The following RAD51B variants were observed in gnomAD, a reference collection of about 807,000 sequenced individuals.
RAD51B encodes the protein RAD51 paralog B, also known as DNA repair protein RAD51 homolog 2.
Under a neutral mutation model 42.2 loss-of-function variants are expected in RAD51B, and 38 were observed. That is an observed-to-expected ratio of 0.90 (90% CI 0.70 to 1.18). RAD51B has a LOEUF of 1.18. Ranked by LOEUF, RAD51B falls within the 50% of genes most tolerant of loss-of-function variation. The pLI is 0.00. For missense variants in RAD51B, 373 were observed against 400.7 expected, an observed-to-expected ratio of 0.93 and a Z score of 0.59; for synonymous variants, 154 against 145.2, an observed-to-expected ratio of 1.06 and a Z score of -0.43.
At position 68,568,600 on chromosome 14, in the gene RAD51B, T is replaced by A. The variant is rs146896111; in HGVS notation, c.1037-25885T>A. On this transcript the variant is annotated intron_variant, in intron 10 of 10. Transcript: ENST00000487270. ...GGAGTTAAGACACAGAACTTCCTTG[T>A]ATTTTTTTCATATACACTACCCTGT... is the stretch of plus-strand genomic sequence containing the variant. 3.2e-3 allele frequency among the ~76,000 whole-genome samples: 481 copies of A among 152,330 alleles called. 3 individuals are homozygous for A. Among genetic ancestry groups the A allele is most frequent in the East Asian group, 0.024 (123 of 5,186 alleles).
chr14:68,555,195 G>C (rs1888775593), intron 10 of RAD51B, among the ~76,000 whole-genome samples: 1 of 152,172 alleles, frequency 6.6e-6, no homozygotes, highest in Non-Finnish European at 1.5e-5. Context: ...ACTCATAATA[G>C]GACATCCGTA....
chr14:68,264,984 G>A lies in RAD51B; in HGVS notation c.757-26900G>A, dbSNP rs117113763. On this transcript the variant is annotated intron_variant, in intron 7 of 10. Coordinates refer to ENST00000471583, the MANE Select transcript of RAD51B (RefSeq NM_133510.4). ...TCCCACAGGGTTTAATGTGAAATAA[G>A]TGGTATAATCTAGGTCAAGTGGCTT... is the stretch of plus-strand genomic sequence containing the variant. Among the ~76,000 whole-genome samples, 424 of 152,308 alleles carry A rather than the reference G, an allele frequency of 2.8e-3. 12 individuals are homozygous for A. The East Asian group carries it at 0.047, about 17-fold the overall frequency.
intron 7 of RAD51B, among the ~76,000 whole-genome samples, chr14:68,249,407 G>C (rs771174221): frequency 9.2e-5 from 14 of 152,146 alleles, no homozygotes; most frequent in Non-Finnish European, 2.1e-4. Context: ...GTAAAACCAA[G>C]TCTGAATGTA....
At chr14:67,986,461 T>C (rs556692439) in intron 7 of RAD51B, among the ~76,000 whole-genome samples, 2 of 152,220 alleles carry the variant, frequency 1.3e-5, no homozygotes, top group African/African-American at 2.4e-5. Context: ...CTAGTTGACA[T>C]GTGTAATTTC....
At chr14:68,469,398 G>A (rs554134797) in intron 10 of RAD51B, among the ~76,000 whole-genome samples, 3 of 152,296 alleles carry the variant, frequency 2.0e-5, no homozygotes, top group South Asian at 4.1e-4. Context: ...CTCACAAAGC[G>A]GCATGTTTGT....
intron 7 of RAD51B, among the ~76,000 whole-genome samples, chr14:68,209,941 G>A (rs1024322959): frequency 5.3e-5 from 8 of 151,134 alleles, no homozygotes; most frequent in African/African-American, 1.5e-4. Context: ...TAGTCTGAGC[G>A]AAACATACTC....
chr14:68,548,716 T>C lies in RAD51B; in HGVS notation c.1037-45769T>C, dbSNP rs533235594. The stretch of plus-strand genomic sequence containing the variant: ...AGGAGGCCGGAAGTGTAGTCAGTGA[T>C]GCGCAGGGTGGGCGTCCTGACACTG... On this transcript the variant is annotated intron_variant, in intron 10 of 10. Transcript: ENST00000487270. Among the ~76,000 whole-genome samples the C allele has an allele frequency of 2.6e-5, 4 of 152,282 alleles. No individual in the cohort carries two copies. In the South Asian group the frequency reaches 8.3e-4, roughly 32 times the overall value.
chr14:67,898,218 C>T (rs1255723338), intron 7 of RAD51B, among the ~76,000 whole-genome samples: 2 of 152,128 alleles, frequency 1.3e-5, no homozygotes, highest in Non-Finnish European at 2.9e-5. Flanking sequence ...GTCATATACA[C>T]ACACAATGAT....
intron 9 of RAD51B, among the ~76,000 whole-genome samples, chr14:68,447,558 G>C (rs1054188162): frequency 5.9e-5 from 9 of 151,922 alleles, no homozygotes; most frequent in African/African-American, 1.7e-4. Context: ...AAAAGTTTCA[G>C]ATGAAGAGTA....
intron 7 of RAD51B, among the ~76,000 whole-genome samples, chr14:67,894,657 G>C (rs1403431485): frequency 6.6e-6 from 1 of 152,140 alleles, no homozygotes; most frequent in Non-Finnish European, 1.5e-5. Context: ...TAACTTCTCT[G>C]TCTGTCCTTT....
At chr14:67,956,526 A>G (rs964317107) in intron 7 of RAD51B, among the ~76,000 whole-genome samples, 7 of 152,176 alleles carry the variant, frequency 4.6e-5, no homozygotes, top group Admixed American at 3.9e-4. Context: ...ATAAAATGTT[A>G]TGTGTCTACT....
chr14:68,182,047 C>A (rs2079070223), intron 7 of RAD51B, among the ~76,000 whole-genome samples: 1 of 152,122 alleles, frequency 6.6e-6, no homozygotes, highest in South Asian at 2.1e-4. Context: ...GGTGTTTTGC[C>A]ATGAGAATAC....
At chr14:67,978,333 T>C (rs903939086) in intron 7 of RAD51B, among the ~76,000 whole-genome samples, 1 of 152,204 alleles carries the variant, frequency 6.6e-6, no homozygotes, top group African/African-American at 2.4e-5. Flanking sequence ...TTATAGTTAA[T>C]GACTTATAAA....
chr14:68,133,009 G>T (rs1242338800), intron 7 of RAD51B, among the ~76,000 whole-genome samples: 1 of 152,130 alleles, frequency 6.6e-6, no homozygotes, highest in Non-Finnish European at 1.5e-5. Flanking sequence ...TTGGCTCTTA[G>T]GAGAACTATA....
chr14:67,896,276 T>A (rs890838237), intron 7 of RAD51B, among the ~76,000 whole-genome samples: 2 of 152,320 alleles, frequency 1.3e-5, no homozygotes, highest in Middle Eastern at 3.4e-3. Flanking sequence ...CATTCTAACA[T>A]TCATTCTAAA....
chr14:68,507,902 GC>G (rs1385471877), intron 10 of RAD51B, among the ~76,000 whole-genome samples: 1 of 152,200 alleles, frequency 6.6e-6, no homozygotes, highest in Admixed American at 6.5e-5. Context: ...GGAGCAGAGA[GC>G]CTGAACCCAC....
At chr14:68,121,834 A>G (rs1433529776) in intron 7 of RAD51B, among the ~76,000 whole-genome samples, 2 of 152,140 alleles carry the variant, frequency 1.3e-5, no homozygotes, top group Non-Finnish European at 2.9e-5. Flanking sequence ...CAATTTTTGT[A>G]AAATGTATTA....
chr14:68,497,400 G>A, intron 10 of RAD51B: 1 of 1,157,758 alleles, frequency 8.6e-7, no homozygotes. Context: ...GCACTGATTT[G>A]ATACCATGGC....
intron 7 of RAD51B, among the ~76,000 whole-genome samples, chr14:68,265,862 C>G (rs950601083): frequency 4.6e-5 from 7 of 152,148 alleles, no homozygotes; most frequent in Admixed American, 1.3e-4. Context: ...ACAATTCACT[C>G]TAGTAGATGG....
Sources: allele counts gnomAD v4.1 joint callset (sites outside exome capture counted in the v4.1 genomes callset), GRCh38; gene constraint gnomAD v4.1.1; transcripts MANE v1.5; gene names NCBI Gene and HGNC (gene_info 2026-07-23, HGNC 2026-07-21).